CCDC60: variants seen among roughly 807,000 people sequenced by gnomAD.
The protein encoded by CCDC60 is coiled-coil domain-containing protein 60.
In CCDC60, 54 loss-of-function variants were observed where a neutral mutation model predicts 63.5. That is an observed-to-expected ratio of 0.85 (90% CI 0.68 to 1.07). The LOEUF (loss-of-function observed/expected upper bound fraction) is 1.07, where lower values mean the gene tolerates loss of function less well. Among genes scored for constraint, CCDC60 ranks in the 50% least tolerant of loss-of-function variants. CCDC60 has a pLI of 0.00. For missense variants in CCDC60, 651 were observed against 684.3 expected (o/e 0.95, Z 0.54); for synonymous variants, 206 against 238.8 (o/e 0.86, Z 1.27).
chr12:119,390,032 A>T (rs1956129081), intron 1 of CCDC60, among the ~76,000 whole-genome samples: 1 of 152,222 alleles, frequency 6.6e-6, no homozygotes, highest in South Asian at 2.1e-4. Flanking sequence ...GCATATTTTC[A>T]TACATAAAAT....
intron 2 of CCDC60, among the ~76,000 whole-genome samples, chr12:119,441,179 C>CG (rs1566011303): frequency 6.6e-6 from 1 of 152,046 alleles, no homozygotes; most frequent in African/African-American, 2.4e-5. Flanking sequence ...TGATACAGGG[C>CG]GGGGGGAGTC....
intron 1 of CCDC60, among the ~76,000 whole-genome samples, chr12:119,337,112 C>T (rs1270931381): frequency 6.6e-6 from 1 of 152,194 alleles, no homozygotes; most frequent in African/African-American, 2.4e-5. Context: ...CTGCTCTTCT[C>T]TAAGGCTTAA....
intron 4 of CCDC60, among the ~76,000 whole-genome samples, chr12:119,487,183 C>T (rs571037869): frequency 2.0e-5 from 3 of 152,304 alleles, no homozygotes; most frequent in Admixed American, 1.3e-4. Context: ...GGTTCAAATT[C>T]TCACTAATCC....
At chr12:119,528,794 G>A (rs528593650) in intron 12 of CCDC60, 48 bp downstream of exon 12, 1 of 1,574,248 alleles carries the variant, frequency 6.4e-7, no homozygotes, top group Non-Finnish European at 8.7e-7. Flanking sequence ...AGAGAACAGG[G>A]TGTTGTTATT....
rs75798465 is a variant in CCDC60, at chr12:119,426,483, G to A, written c.91-2200G>A. 6.3e-3 allele frequency among the ~76,000 whole-genome samples: 956 copies of A among 152,138 alleles called. 12 individuals carry two copies. The highest frequency in any genetic ancestry group is 0.022 in the African/African-American group (904 of 41,490). ...CGATCCTCCTACCTCAGCTTCCTGA[G>A]CAGCTGGGATTACAGGCATGCACCA... On this transcript the variant is annotated intron_variant, in intron 1 of 13. Coordinates refer to ENST00000327554, the MANE Select transcript of CCDC60 (RefSeq NM_178499.5).
At chr12:119,362,478 G>C (rs983378029) in intron 1 of CCDC60, among the ~76,000 whole-genome samples, 1 of 152,092 alleles carries the variant, frequency 6.6e-6, no homozygotes, top group Admixed American at 6.6e-5. Flanking sequence ...ATATTGAGTT[G>C]TGTCCATTCT....
At chr12:119,527,871 C>T (rs897580661) in intron 11 of CCDC60, among the ~76,000 whole-genome samples, 2 of 150,970 alleles carry the variant, frequency 1.3e-5, no homozygotes, top group African/African-American at 4.9e-5. Context: ...TTAGTAGAGA[C>T]GGGGTTTCAC....
rs1220661602 is a variant in CCDC60, at chr12:119,456,056, AAAGAAAGC to A, written c.171-15934_171-15927del. On this transcript the variant is annotated intron_variant, in intron 2 of 13. Transcript: ENST00000327554. The surrounding 1 kb of genome is among the most constrained non-coding windows in gnomAD (Gnocchi z 4.6). ...GAAAGAAAGAAAGAAAGAAAGAAAG[AAAGAAAGC>A]AAGCAAGCATGTGCAATTTCAAGGG... Among the ~76,000 whole-genome samples, 916 of 96,852 alleles carry A rather than the reference AAAGAAAGC, an allele frequency of 9.5e-3. 20 individuals are homozygous for A. Among genetic ancestry groups the A allele is most frequent in the Middle Eastern group, 0.02 (4 of 202 alleles). The allele number at this position is 96,852 out of a possible 152,430, so 63.5% of individuals were successfully genotyped here.
intron 1 of CCDC60, among the ~76,000 whole-genome samples, chr12:119,340,703 T>C (rs1955523488): frequency 6.6e-6 from 1 of 152,156 alleles, no homozygotes; most frequent in South Asian, 2.1e-4. Flanking sequence ...TACGTTTCCA[T>C]GGCAAACATA....
At chr12:119,339,367 AACTTTC>A (rs1282063163) in intron 1 of CCDC60, among the ~76,000 whole-genome samples, 1 of 152,234 alleles carries the variant, frequency 6.6e-6, no homozygotes, top group African/African-American at 2.4e-5. Flanking sequence ...TTAGTGTCTG[AACTTTC>A]CACCTCGTTG....
At chr12:119,407,402 C>G (rs938629753) in intron 1 of CCDC60, among the ~76,000 whole-genome samples, 2 of 152,114 alleles carry the variant, frequency 1.3e-5, no homozygotes, top group East Asian at 1.9e-4. Flanking sequence ...CATGGTGGCA[C>G]GTGCCTGTGG....
intron 1 of CCDC60, among the ~76,000 whole-genome samples, chr12:119,345,346 AC>A (rs1231410381): frequency 6.6e-6 from 1 of 152,068 alleles, no homozygotes; most frequent in Non-Finnish European, 1.5e-5. Context: ...TACTAAAAAT[AC>A]CAAAATTAGC....
At chr12:119,470,744 C>T (rs1171384754) in intron 2 of CCDC60, among the ~76,000 whole-genome samples, 1 of 152,128 alleles carries the variant, frequency 6.6e-6, no homozygotes, top group Non-Finnish European at 1.5e-5. Context: ...GGTCTTCAGC[C>T]TCCCCCTAGT....
At chr12:119,400,523 G>T (rs996137800) in intron 1 of CCDC60, among the ~76,000 whole-genome samples, 2 of 152,338 alleles carry the variant, frequency 1.3e-5, no homozygotes, top group East Asian at 1.9e-4. Context: ...GATATTATTT[G>T]TTTTCTTAGC....
At chr12:119,487,009 AG>A (rs1182393744) in intron 4 of CCDC60, among the ~76,000 whole-genome samples, 1 of 151,836 alleles carries the variant, frequency 6.6e-6, no homozygotes, top group Non-Finnish European at 1.5e-5. Context: ...TCTTGCGGGG[AG>A]GGGGGTGGCT....
chr12:119,537,131 C>A (rs1953026187), intron 13 of CCDC60, among the ~76,000 whole-genome samples: 1 of 152,036 alleles, frequency 6.6e-6, no homozygotes, highest in Non-Finnish European at 1.5e-5. Context: ...TTTCTCTAAA[C>A]TTCTCTTCTC....
At chr12:119,478,904 C>T (rs1951238673) in intron 3 of CCDC60, among the ~76,000 whole-genome samples, 190 bp from the exon 4 acceptor site, 1 of 151,760 alleles carries the variant, frequency 6.6e-6, no homozygotes, top group Non-Finnish European at 1.5e-5. Context: ...GGCACCCGAC[C>T]GAGGGCAGGG....
intron 3 of CCDC60, among the ~76,000 whole-genome samples, chr12:119,478,051 C>T (rs188079612): frequency 2.6e-5 from 4 of 152,206 alleles, no homozygotes; most frequent in South Asian, 2.1e-4. Flanking sequence ...CAATGTCTCA[C>T]GCCTGTAATC....
chr12:119,440,962 T>C (rs1593091730), intron 2 of CCDC60, among the ~76,000 whole-genome samples: 1 of 152,346 alleles, frequency 6.6e-6, no homozygotes, highest in East Asian at 1.9e-4. Flanking sequence ...GGTAAGTGCT[T>C]GGTAAATGGT....
Sources: gnomAD v4.1 joint callset for allele counts (sites outside exome capture counted in the v4.1 genomes callset) on GRCh38, gnomAD v4.1.1 for gene constraint, Gnocchi (gnomAD v3.1) non-coding constraint, MANE v1.5 for transcripts, NCBI Gene and HGNC (gene_info 2026-07-23, HGNC 2026-07-21) for gene names.